GSN: variants seen among roughly 807,000 people sequenced by gnomAD.
The protein encoded by GSN is gelsolin.
Under a neutral mutation model 85.7 loss-of-function variants are expected in GSN, and 56 were observed. The observed-to-expected ratio is 0.65, with a 90% confidence interval of 0.53 to 0.82. The LOEUF (loss-of-function observed/expected upper bound fraction) is 0.82. GSN is among the 40% of genes least tolerant of loss of function. The pLI, the probability that GSN is intolerant of heterozygous loss-of-function variation, is 0.00. For synonymous variants in GSN, 373 were observed against 399.1 expected (o/e 0.93, Z 0.78); for missense variants, 857 against 979.8 (o/e 0.87, Z 1.67).
At chr9:121,324,741 C>T in intron 12 of GSN, 97 bp downstream of exon 12, 4 of 700,570 alleles carry the variant, frequency 5.7e-6, no homozygotes, top group Non-Finnish European at 1.0e-5. Flanking sequence ...GTTTGTCCAT[C>T]TGTCTGTCTG....
chr9:121,275,716 G>T (rs2056586195), intron 1 of GSN, among the ~76,000 whole-genome samples: 1 of 152,186 alleles, frequency 6.6e-6, no homozygotes, highest in South Asian at 2.1e-4. Flanking sequence ...GGAGATGCCT[G>T]CCTAGACTGT....
intron 3 of GSN, 91 bp downstream of exon 3, chr9:121,302,258 TTGAGCACCTAGTA>T: frequency 7.2e-7 from 1 of 1,395,912 alleles, no homozygotes; most frequent in African/African-American, 1.4e-5. Context: ...GAACTGATTA[TTGAGCACCTAGTA>T]TGTGCTGGGC....
intron 1 of GSN, chr9:121,281,097 G>C (rs2057312306): frequency 6.2e-6 from 1 of 161,598 alleles, no homozygotes; most frequent in Non-Finnish European, 1.4e-5. Context: ...AGGAAAGGGG[G>C]TGCACAATTT....
In GSN at chr9:121,299,982, CAGGGGCGGGTGCCCGAGGCGCG is replaced by C; in HGVS notation, c.-9-1980_-9-1959del. 7.1e-7 allele frequency: 1 copy of C among 1,402,452 alleles called. No homozygotes were observed. Among genetic ancestry groups the C allele is most frequent in the Admixed American group, 2.5e-5 (1 of 40,722 alleles). The allele number at this position is 1,402,452 out of a possible 1,614,324, so 86.9% of individuals were successfully genotyped here. ...GGGGGCGTCCCAGGCGGGGGCGCCCCAGGGGCGGGTGCCCGAGGCGCGGGTGAGTGCCCGGGGGGCCCCGGGG... is the reference window on the plus strand; with the variant it reads ...GGGGGCGTCCCAGGCGGGGGCGCCCCGGTGAGTGCCCGGGGGGCCCCGGGG... On this transcript the variant is annotated intron_variant, in intron 2 of 17. Transcript: ENST00000432226. This position sits in a 1 kb window ranked among gnomAD's most constrained non-coding sequence, Gnocchi z 4.2.
chr9:121,254,114 A>G (rs2054896601), intron 6 of GSN, among the ~76,000 whole-genome samples: 1 of 152,220 alleles, frequency 6.6e-6, no homozygotes. Context: ...AGCAATTAAA[A>G]CAAGCCAAAA....
rs1388899224 is a variant in GSN at position 121,318,479 on chromosome 9, C to T, written c.960C>T (p.Tyr320=). The T allele has an allele frequency of 5.6e-6, 9 of 1,613,242 alleles. No homozygotes were observed. Among genetic ancestry groups the T allele is most frequent in the East Asian group, 2.2e-5 (1 of 44,846 alleles). ...CTGACTTCATCACCAAGATGGACTA[C>T]CCCAAGCAGACTCAGGTGAGTCTTG... ...TASDFITKMD[Y]PKQTQVSVLP... Residue 320 remains tyrosine, a synonymous_variant, in exon 9 of 18, where the codon TAC becomes TAT. Coordinates refer to ENST00000432226, the MANE Select transcript of GSN (RefSeq NM_198252.3). This position sits in a 1 kb window ranked among gnomAD's most constrained non-coding sequence, Gnocchi z 4.3.
At chr9:121,279,247 A>AAGGGGAC (rs1355602184) in intron 1 of GSN, among the ~76,000 whole-genome samples, 2 of 152,182 alleles carry the variant, frequency 1.3e-5, no homozygotes, top group African/African-American at 4.8e-5. Context: ...CAAGGAGTTG[A>AAGGGGAC]AGGGGACAGG....
In GSN at chr9:121,331,462, TG is replaced by T. The variant is rs2063882933; in HGVS notation, c.2026+15del. 1 of 880,366 alleles carries T rather than the reference TG, an allele frequency of 1.1e-6. No homozygotes were observed. Among genetic ancestry groups the T allele is most frequent in the African/African-American group, 1.8e-5 (1 of 55,072 alleles). 54.5% of individuals were successfully genotyped at this position (880,366 alleles called of 1,614,324 possible). A position where few individuals can be genotyped will look rare whatever the true frequency, so the allele number is the denominator to read the frequency against. ...CCTTGACTTCTGGTGAGGACCCGAG[TG>T]CCTGGGGGCGGGGGGAGGGGTCCGT... On this transcript the variant is annotated intron_variant, in intron 17 of 17. Coordinates refer to ENST00000432226, the MANE Select transcript of GSN (RefSeq NM_198252.3).
chr9:121,304,710 C>T (rs569107152), intron 4 of GSN, among the ~76,000 whole-genome samples: 36 of 152,230 alleles, frequency 2.4e-4, no homozygotes, highest in Non-Finnish European at 4.8e-4. Flanking sequence ...TTCAGCCTCA[C>T]AACTGTCCTG....
At chr9:121,303,876 C>A (rs2060147113) in intron 4 of GSN, among the ~76,000 whole-genome samples, 2 of 152,178 alleles carry the variant, frequency 1.3e-5, no homozygotes, top group South Asian at 4.1e-4. Flanking sequence ...CCAGGTGGGC[C>A]TTAATGTCAG....
chr9:121,257,074 A>C (rs1041855413), intron 6 of GSN, among the ~76,000 whole-genome samples: 1 of 152,226 alleles, frequency 6.6e-6, no homozygotes, highest in South Asian at 2.1e-4. Context: ...ATCATTACAC[A>C]TTGTATATGC....
rs2062023065 is a variant in GSN, at chr9:121,318,797, C to T, written c.1108C>T (p.Pro370Ser). The change falls in exon 10 of 18, where the codon CCC becomes TCC. Residue 370 changes from proline to serine, a missense_variant. Transcript: ENST00000432226. The surrounding 1 kb of genome is among the most constrained non-coding windows in gnomAD (Gnocchi z 4.3). The stretch of plus-strand genomic sequence containing the variant: ...CCATATCGCCAACGTGGAGCGGGTG[C>T]CCTTCGACGCCGCCACCCTGCACAC... ...SSHIANVERVPFDAATLHTST... is the reference protein window; with the variant it reads ...SSHIANVERVSFDAATLHTST... The T allele has an allele frequency of 1.9e-6, 3 of 1,614,106 alleles. No individual in the cohort carries two copies. The highest frequency in any genetic ancestry group is 2.5e-6 in the Non-Finnish European group (3 of 1,179,976).
chr9:121,214,743 T>C (rs2054028597), intron 4 of GSN, among the ~76,000 whole-genome samples: 1 of 152,216 alleles, frequency 6.6e-6, no homozygotes, highest in African/African-American at 2.4e-5. Flanking sequence ...CAGGAGCTAC[T>C]GCATTAGTTA....
At chr9:121,245,403 C>G (rs945444546) in intron 5 of GSN, among the ~76,000 whole-genome samples, 10 of 152,172 alleles carry the variant, frequency 6.6e-5, no homozygotes, top group Non-Finnish European at 1.2e-4. Flanking sequence ...GTCACCCATG[C>G]AGGAGTGCAG....
rs572787244 is a variant in GSN at position 121,245,148 on chromosome 9, C to T, written c.-388-3128C>T. The stretch of plus-strand genomic sequence containing the variant: ...TTAGTGACCTTAAATCACTATCATT[C>T]GATTCTATACTCCTAGAAGACTATA... On this transcript the variant is annotated intron_variant, in intron 5 of 24. Transcript: ENST00000373823. Among the ~76,000 whole-genome samples, 4 of 152,184 alleles carry T rather than the reference C, an allele frequency of 2.6e-5. No homozygotes were observed. In the East Asian group the frequency reaches 5.8e-4, roughly 22 times the overall value.
chr9:121,318,419 C>G lies in GSN; in HGVS notation c.900C>G (p.Asn300Lys). Residue 300 changes from asparagine (N) to lysine (K), a missense_variant, in exon 9 of 18, where the codon AAC becomes AAG. Physicochemically the swap from Asn to Lys is moderately conservative, Grantham distance 94. Coordinates refer to ENST00000432226, the MANE Select transcript of GSN (RefSeq NM_198252.3). This position sits in a 1 kb window ranked among gnomAD's most constrained non-coding sequence, Gnocchi z 4.3. ...GGCTGCCAACAGGCAAGCAGGCAAA[C>G]ACGGAGGAGAGGAAGGCTGCCCTCA... ...KIFVWKGKQA[N>K]TEERKAALKT... 2 of 1,614,064 alleles carry G rather than the reference C, an allele frequency of 1.2e-6. No homozygotes were observed. The highest frequency in any genetic ancestry group is 1.7e-6 in the Non-Finnish European group (2 of 1,179,914).
At chr9:121,312,108 G>A in intron 5 of GSN, 1 of 524,018 alleles carries the variant, frequency 1.9e-6, no homozygotes, top group Admixed American at 3.4e-5. Context: ...AGATGTAGTT[G>A]TACCTGTGAA....
intron 2 of GSN, 197 bp downstream of exon 2, chr9:121,281,759 A>G (rs2057397500): frequency 4.2e-6 from 2 of 470,960 alleles, no homozygotes; most frequent in East Asian, 1.4e-4. Flanking sequence ...GTCAGGCGAG[A>G]GTGATCTTGT....
chr9:121,248,132 C>T (rs1042930187), intron 5 of GSN: 6 of 152,046 alleles, frequency 3.9e-5, no homozygotes, highest in African/African-American at 9.7e-5. Context: ...CCCCATTAGC[C>T]AGTGATACAT....
Sources: allele counts gnomAD v4.1 joint callset (sites outside exome capture counted in the v4.1 genomes callset), GRCh38; gene constraint gnomAD v4.1.1; non-coding constraint Gnocchi (gnomAD v3.1); transcripts MANE v1.5; gene names NCBI Gene and HGNC (gene_info 2026-07-23, HGNC 2026-07-21).